The following ERBB4 variants were observed in gnomAD, a reference collection of about 807,000 sequenced individuals.
ERBB4 encodes receptor tyrosine-protein kinase erbB-4.
In ERBB4, 42 loss-of-function variants were observed where a neutral mutation model predicts 158.0. The ratio of observed to expected loss-of-function variants is 0.27; its 90% CI spans 0.21 to 0.34. The LOEUF is 0.34. ERBB4 is among the 10% of genes least tolerant of loss of function. The pLI, the probability that ERBB4 is intolerant of heterozygous loss-of-function variation, is 1.00. For synonymous variants in ERBB4, 583 were observed against 558.7 expected (o/e 1.04, Z -0.61); for missense variants, 1,333 against 1,624.1 (o/e 0.82, Z 3.08).
intron 2 of ERBB4, among the ~76,000 whole-genome samples, chr2:211,981,868 G>A (rs943155561): frequency 5.3e-5 from 8 of 152,092 alleles, no homozygotes; most frequent in African/African-American, 1.9e-4. Context: ...TAACACAGTA[G>A]CTGTTTGATA....
At chr2:212,001,252 T>C (rs1288881250) in intron 2 of ERBB4, among the ~76,000 whole-genome samples, 1 of 152,174 alleles carries the variant, frequency 6.6e-6, no homozygotes, top group African/African-American at 2.4e-5. Flanking sequence ...GCTGAAGTTA[T>C]TGCTTCATTT....
chr2:212,246,811 C>T lies in ERBB4; in HGVS notation c.83-121908G>A, dbSNP rs576150159. Among the ~76,000 whole-genome samples, 3 of 152,254 alleles carry T rather than the reference C, an allele frequency of 2.0e-5. No homozygotes were observed. In the East Asian group the frequency reaches 5.8e-4, roughly 29 times the overall value. On this transcript the variant is annotated intron_variant, in intron 1 of 27. Transcript: ENST00000342788. ...TTTAGTGTAAATATAGACAGCAGCA[C>T]AGCTTCTTTACTTCCTATGTGACTA...
At chr2:211,620,554 G>T (rs114424918) in intron 18 of ERBB4, among the ~76,000 whole-genome samples, 3 of 152,126 alleles carry the variant, frequency 2.0e-5, no homozygotes, top group African/African-American at 7.2e-5. Flanking sequence ...GTGAATTTAT[G>T]GTTGCATTCT....
At chr2:211,740,875 G>T (rs779217587) in intron 5 of ERBB4, among the ~76,000 whole-genome samples, 110 of 152,166 alleles carry the variant, frequency 7.2e-4, no homozygotes, top group Non-Finnish European at 1.2e-3. Context: ...CTCCCAAAGT[G>T]CTGGGATTAC....
chr2:212,533,799 T>C (rs1692885035), intron 1 of ERBB4, among the ~76,000 whole-genome samples: 1 of 152,134 alleles, frequency 6.6e-6, no homozygotes, highest in Non-Finnish European at 1.5e-5. Flanking sequence ...TGGAGAAAAG[T>C]TGTTAATATG....
chr2:211,412,076 A>G (rs1280948466), intron 25 of ERBB4, among the ~76,000 whole-genome samples: 7 of 151,460 alleles, frequency 4.6e-5, no homozygotes, highest in African/African-American at 1.7e-4. Context: ...GGAATTTGAG[A>G]GCTGTTTTTC....
intron 1 of ERBB4, among the ~76,000 whole-genome samples, chr2:212,452,417 A>T (rs1483553589): frequency 1.3e-5 from 2 of 152,198 alleles, no homozygotes; most frequent in African/African-American, 2.4e-5. Flanking sequence ...TTAAACTACT[A>T]CACACACTCA....
At chr2:211,585,396 T>A (rs1383851399) in intron 19 of ERBB4, among the ~76,000 whole-genome samples, 1 of 151,436 alleles carries the variant, frequency 6.6e-6, no homozygotes, top group Non-Finnish European at 1.5e-5. Context: ...AGACATTCAA[T>A]TCTATAAAAA....
chr2:212,494,584 C>T (rs1045484386), intron 1 of ERBB4, among the ~76,000 whole-genome samples: 4 of 151,976 alleles, frequency 2.6e-5, no homozygotes, highest in African/African-American at 4.8e-5. Context: ...CCCAGGTCTA[C>T]AACTGTTACT....
intron 1 of ERBB4, among the ~76,000 whole-genome samples, chr2:212,348,516 T>C (rs997971931): frequency 6.6e-6 from 1 of 152,152 alleles, no homozygotes; most frequent in Non-Finnish European, 1.5e-5. Flanking sequence ...AACTATTGTT[T>C]TAAAACTCAA....
At chr2:211,590,224 T>G (rs1039593092) in intron 19 of ERBB4, among the ~76,000 whole-genome samples, 1 of 152,236 alleles carries the variant, frequency 6.6e-6, no homozygotes, top group African/African-American at 2.4e-5. Context: ...CAAGCTGTCC[T>G]TATTCATTCC....
chr2:212,507,452 G>A (rs574014999), intron 1 of ERBB4, among the ~76,000 whole-genome samples: 1 of 152,224 alleles, frequency 6.6e-6, no homozygotes, highest in East Asian at 1.9e-4. Flanking sequence ...TGATGGAACT[G>A]AGCAAAGTAA....
intron 1 of ERBB4, among the ~76,000 whole-genome samples, chr2:212,257,218 G>C (rs1384926919): frequency 6.6e-6 from 1 of 152,094 alleles, no homozygotes; most frequent in Non-Finnish European, 1.5e-5. Context: ...ACTGAAACAA[G>C]TCAATTTTAC....
At chr2:211,738,674 C>CT (rs372863971) in intron 5 of ERBB4, among the ~76,000 whole-genome samples, 116 of 140,608 alleles carry the variant, frequency 8.2e-4, no homozygotes, top group Middle Eastern at 4.2e-3. Context: ...GCCCGGCCCT[C>CT]TTTTTTTTTT....
intron 1 of ERBB4, among the ~76,000 whole-genome samples, chr2:212,151,686 C>T (rs1268514222): frequency 6.6e-6 from 1 of 151,922 alleles, no homozygotes; most frequent in East Asian, 1.9e-4. Context: ...GTCAGGAGTT[C>T]GAGATCAGCC....
intron 20 of ERBB4, among the ~76,000 whole-genome samples, chr2:211,448,199 C>G (rs939057483): frequency 3.9e-5 from 6 of 152,066 alleles, no homozygotes; most frequent in Non-Finnish European, 7.4e-5. Flanking sequence ...TCTCAAACTC[C>G]TGACCTCAAG....
intron 1 of ERBB4, among the ~76,000 whole-genome samples, chr2:212,263,676 A>G (rs999949720): frequency 6.6e-6 from 1 of 152,056 alleles, no homozygotes; most frequent in Non-Finnish European, 1.5e-5. Flanking sequence ...TTTATGCTTA[A>G]TACATTTTTC....
At chr2:212,080,554 G>T (rs1575605445) in intron 2 of ERBB4, among the ~76,000 whole-genome samples, 1 of 150,286 alleles carries the variant, frequency 6.7e-6, no homozygotes, top group South Asian at 2.1e-4. Flanking sequence ...TACATGTTTT[G>T]GTTTTTAAAG....
intron 19 of ERBB4, among the ~76,000 whole-genome samples, chr2:211,585,392 T>A (rs866717758): frequency 1.1e-4 from 17 of 151,434 alleles, no homozygotes; most frequent in South Asian, 6.2e-4. Context: ...AGAAAGACAT[T>A]CAATTCTATA....
Sources: allele counts gnomAD v4.1 joint callset (sites outside exome capture counted in the v4.1 genomes callset), GRCh38; gene constraint gnomAD v4.1.1; transcripts MANE v1.5; gene names NCBI Gene and HGNC (gene_info 2026-07-23, HGNC 2026-07-21).